Variants in RARB observed in about 807,000 individuals in gnomAD.
RARB encodes the protein HBV-activated protein.
A neutral mutation model predicts 51.9 loss-of-function variants in RARB; 17 were observed. The observed-to-expected ratio is 0.33, with a 90% CI of 0.22 to 0.49. RARB has a LOEUF of 0.49. Among genes scored for constraint, RARB ranks in the 20% least tolerant of loss-of-function variants. The pLI is 0.99. For synonymous variants in RARB, 215 were observed against 195.4 expected (o/e 1.10, Z -0.84); for missense variants, 369 against 550.8 (o/e 0.67, Z 3.30).
At chr3:24,891,989 T>G (rs1703389020) in intron 2 of RARB, among the ~76,000 whole-genome samples, 7 of 152,074 alleles carry the variant, frequency 4.6e-5, no homozygotes, top group Non-Finnish European at 1.5e-5. Flanking sequence ...CATGTGAGAC[T>G]AGAGGACTGC....
chr3:25,010,145 C>T (rs1187830588), intron 2 of RARB, among the ~76,000 whole-genome samples: 1 of 151,576 alleles, frequency 6.6e-6, no homozygotes, highest in Non-Finnish European at 1.5e-5. Flanking sequence ...ATACCGAGGC[C>T]AGGACAGAGG....
chr3:25,570,885 A>G lies in RARB; in HGVS notation c.609+967A>G, dbSNP rs888048273. Among the ~76,000 whole-genome samples the G allele has an allele frequency of 2.0e-5, 3 of 152,148 alleles. No homozygotes were observed. In the South Asian group the frequency reaches 6.2e-4, roughly 32 times the overall value. The stretch of plus-strand genomic sequence containing the variant: ...TTGCTGGCTTGGTGAATGGTGTTCT[A>G]GAAAAATGATAGCATGGGAGGTCCT... On this transcript the variant is annotated intron_variant, in intron 4 of 7. Coordinates refer to ENST00000330688, the MANE Select transcript of RARB (RefSeq NM_000965.5).
intron 5 of RARB, among the ~76,000 whole-genome samples, chr3:25,243,603 G>A (rs533993583): frequency 6.6e-6 from 1 of 152,264 alleles, no homozygotes; most frequent in South Asian, 2.1e-4. Flanking sequence ...TTATATGATG[G>A]ATTACATTTA....
chr3:24,919,555 T>A (rs1695177090), intron 2 of RARB, among the ~76,000 whole-genome samples: 2 of 152,208 alleles, frequency 1.3e-5, no homozygotes, highest in South Asian at 4.2e-4. Context: ...TCCATGAATG[T>A]TCTTTCACCA....
intron 1 of RARB, among the ~76,000 whole-genome samples, chr3:25,442,679 G>A (rs1708751521): frequency 6.6e-6 from 1 of 152,116 alleles, no homozygotes; most frequent in Non-Finnish European, 1.5e-5. Flanking sequence ...GCTGTAGGGT[G>A]GTGATTTCAG....
rs555563199 is a variant in RARB, at chr3:24,933,665, T to C, written c.-380+74913T>C. 1.6e-4 allele frequency among the ~76,000 whole-genome samples: 24 copies of C among 152,226 alleles called. No individual in the cohort carries two copies. The South Asian group carries it at 2.3e-3, about 14-fold the overall frequency. ...CAGCACTCAGAGAAAGAAACAATTGTTCTAGAAGGCCAGCAACCTTATTCT... is the reference window on the plus strand; with the variant it reads ...CAGCACTCAGAGAAAGAAACAATTGCTCTAGAAGGCCAGCAACCTTATTCT... On this transcript the variant is annotated intron_variant, in intron 2 of 11. Coordinates refer to the RARB transcript ENST00000383772.
Position 25,428,361 on chromosome 3 carries a change from T to TG in RARB, c.-368dup, listed in dbSNP as rs1248425910. ...TCCCCCATGCGAGCTGTTTGAGGACTGGGATGCCGAGAACGCGAGCGATCC... is the reference window on the plus strand; with the variant it reads ...TCCCCCATGCGAGCTGTTTGAGGACTGGGGATGCCGAGAACGCGAGCGATCC... On this transcript the variant is annotated 5_prime_UTR_variant, in exon 1 of 8. Coordinates refer to ENST00000330688, the MANE Select transcript of RARB (RefSeq NM_000965.5). 3 of 1,247,918 alleles carry TG rather than the reference T, an allele frequency of 2.4e-6. No homozygotes were observed. Among genetic ancestry groups the TG allele is most frequent in the African/African-American group, 1.5e-5 (1 of 64,936 alleles). 77.3% of individuals were successfully genotyped at this position (1,247,918 alleles called of 1,614,324 possible). A position where few individuals can be genotyped will look rare whatever the true frequency, so the allele number is the denominator to read the frequency against.
chr3:24,867,641 C>T (rs1225504469), intron 2 of RARB, among the ~76,000 whole-genome samples: 3 of 152,122 alleles, frequency 2.0e-5, no homozygotes, highest in African/African-American at 7.2e-5. Context: ...ACTTTGGGTG[C>T]AGGCCCCTTT....
At chr3:25,220,804 T>C (rs1325744600) in intron 5 of RARB, among the ~76,000 whole-genome samples, 1 of 152,168 alleles carries the variant, frequency 6.6e-6, no homozygotes, top group Non-Finnish European at 1.5e-5. Flanking sequence ...GTGTGAAAAT[T>C]GATGAATACA....
intron 4 of RARB, among the ~76,000 whole-genome samples, chr3:25,140,595 T>C (rs1169749301): frequency 3.3e-5 from 5 of 152,184 alleles, no homozygotes; most frequent in Admixed American, 2.6e-4. Flanking sequence ...GTGAACATTG[T>C]TGAAATGACA....
intron 2 of RARB, among the ~76,000 whole-genome samples, chr3:25,001,237 C>G (rs1697152047): frequency 6.6e-6 from 1 of 151,976 alleles, no homozygotes; most frequent in South Asian, 2.1e-4. Context: ...TGTCTTTAAC[C>G]AAAATACATA....
At chr3:25,443,880 G>A (rs1021990065) in intron 1 of RARB, among the ~76,000 whole-genome samples, 11 of 151,992 alleles carry the variant, frequency 7.2e-5, no homozygotes, top group South Asian at 2.1e-4. Flanking sequence ...ACAGTGAGCC[G>A]AGATAGCACC....
intron 5 of RARB, among the ~76,000 whole-genome samples, chr3:25,315,638 G>T (rs184862583): frequency 1.3e-5 from 2 of 152,142 alleles, no homozygotes; most frequent in African/African-American, 4.8e-5. Flanking sequence ...TTTTGAGACA[G>T]AGTCTTGCTC....
chr3:24,832,439 G>A (rs1013297729), intron 1 of RARB, among the ~76,000 whole-genome samples: 1 of 151,802 alleles, frequency 6.6e-6, no homozygotes, highest in Non-Finnish European at 1.5e-5. Flanking sequence ...TCATTACAGT[G>A]GAGCCTGGTG....
intron 1 of RARB, among the ~76,000 whole-genome samples, chr3:24,839,728 G>T (rs1360488691): frequency 1.6e-4 from 16 of 99,864 alleles, no homozygotes; most frequent in East Asian, 1.6e-3. Context: ...AAGGGGGGGG[G>T]GGTGGGGGAA....
At chr3:24,986,345 CTCT>C (rs1042347474) in intron 2 of RARB, among the ~76,000 whole-genome samples, 1 of 152,182 alleles carries the variant, frequency 6.6e-6, no homozygotes, top group Non-Finnish European at 1.5e-5. Context: ...CAACTTCCGT[CTCT>C]TCTTCAAGAG....
chr3:25,269,744 C>T (rs1307324404), intron 5 of RARB, among the ~76,000 whole-genome samples: 2 of 152,106 alleles, frequency 1.3e-5, no homozygotes, highest in Non-Finnish European at 2.9e-5. Context: ...CCTAAAACAT[C>T]TTTTTTAACA....
chr3:25,308,078 G>A (rs2125431613), intron 5 of RARB, among the ~76,000 whole-genome samples: 2 of 152,296 alleles, frequency 1.3e-5, no homozygotes, highest in South Asian at 4.1e-4. Context: ...GTGCCCATGA[G>A]TAGGTACAGA....
chr3:25,312,334 G>A (rs1242653596), intron 5 of RARB, among the ~76,000 whole-genome samples: 9 of 151,932 alleles, frequency 5.9e-5, no homozygotes, highest in Non-Finnish European at 1.2e-4. Context: ...AAACAACCCC[G>A]GGAGGGAGGC....
Sources: gnomAD v4.1 joint callset for allele counts (sites outside exome capture counted in the v4.1 genomes callset) on GRCh38, gnomAD v4.1.1 for gene constraint, MANE v1.5 for transcripts, NCBI Gene and HGNC (gene_info 2026-07-23, HGNC 2026-07-21) for gene names.